The following LRRTM4 variants were observed in gnomAD, a reference collection of about 807,000 sequenced individuals.
The protein encoded by LRRTM4 is leucine-rich repeat transmembrane neuronal protein 4.
LRRTM4 carries 25 observed loss-of-function variants against 47.6 expected under a neutral mutation model. The observed-to-expected ratio is 0.53, with a 90% CI of 0.38 to 0.73. The LOEUF (loss-of-function observed/expected upper bound fraction) is 0.73. Among genes scored for constraint, LRRTM4 ranks in the 30% least tolerant of loss-of-function variants. LRRTM4 has a pLI of 0.00. For missense variants in LRRTM4, 638 were observed against 713.4 expected, an observed-to-expected ratio of 0.89 and a Z score of 1.20; for synonymous variants, 311 against 269.5, an observed-to-expected ratio of 1.15 and a Z score of -1.51.
chr2:77,519,807 G>A lies in LRRTM4; in HGVS notation c.62C>T (p.Thr21Ile). 1 of 1,612,872 alleles carries A rather than the reference G, an allele frequency of 6.2e-7. No individual in the cohort carries two copies. Among genetic ancestry groups the A allele is most frequent in the South Asian group, 1.1e-5 (1 of 91,048 alleles). The change falls in exon 3 of 4, where the codon ACA becomes ATA. Residue 21 changes from threonine (T) to isoleucine (I), a missense_variant. Transcript: ENST00000409884. The surrounding 1 kb of genome is among the most constrained non-coding windows in gnomAD (Gnocchi z 4.6). ...ACCCGTGAGCATAACAAGCAGCAGT[G>A]TAGGAAGTAGCACCAGCACCACACT... ...GMSVVLVLLP[T>I]LLLVMLTGAQ...
At chr2:77,243,696 T>C (rs1365043057) in intron 3 of LRRTM4, among the ~76,000 whole-genome samples, 1 of 152,030 alleles carries the variant, frequency 6.6e-6, no homozygotes, top group Non-Finnish European at 1.5e-5. Context: ...TCAATTTTCT[T>C]ATGCGTATTT....
At chr2:77,146,100 T>C (rs1367706218) in intron 3 of LRRTM4, among the ~76,000 whole-genome samples, 1 of 152,112 alleles carries the variant, frequency 6.6e-6, no homozygotes, top group Admixed American at 6.6e-5. Context: ...CTTCTTTCAG[T>C]GTATATTTAT....
intron 3 of LRRTM4, among the ~76,000 whole-genome samples, chr2:76,779,372 C>T (rs972010091): frequency 1.0e-3 from 152 of 150,672 alleles, no homozygotes; most frequent in African/African-American, 3.5e-3. Context: ...GTTAAAGTCT[C>T]CCATTATTAA....
intron 3 of LRRTM4, among the ~76,000 whole-genome samples, chr2:77,210,378 G>T (rs1417779936): frequency 6.6e-6 from 1 of 151,950 alleles, no homozygotes. Context: ...CACCTGAAAA[G>T]AATAAAATCC....
At chr2:76,947,072 T>C (rs1220327908) in intron 3 of LRRTM4, among the ~76,000 whole-genome samples, 3 of 151,862 alleles carry the variant, frequency 2.0e-5, no homozygotes, top group African/African-American at 7.2e-5. Flanking sequence ...GTTCTTGAAA[T>C]TTCAAGGAAG....
intron 3 of LRRTM4, among the ~76,000 whole-genome samples, chr2:76,867,206 C>T (rs1047679677): frequency 8.6e-5 from 13 of 151,752 alleles, no homozygotes; most frequent in Non-Finnish European, 1.2e-4. Context: ...GCACGTTCAG[C>T]GCATGTATCT....
At chr2:77,351,402 C>A (rs1046444514) in intron 3 of LRRTM4, among the ~76,000 whole-genome samples, 4 of 151,648 alleles carry the variant, frequency 2.6e-5, no homozygotes, top group African/African-American at 9.7e-5. Flanking sequence ...ATGTTTATTG[C>A]AGTATTTATT....
At chr2:76,913,557 T>TTTTTTTTTTTTTTTA (rs1490535283) in intron 3 of LRRTM4, among the ~76,000 whole-genome samples, 4 of 150,200 alleles carry the variant, frequency 2.7e-5, no homozygotes, top group East Asian at 2.0e-4. Context: ...TTTTTTTTTT[T>TTTTTTTTTTTTTTTA]GAGACAGAGT....
chr2:77,135,337 T>C (rs757443948), intron 3 of LRRTM4, among the ~76,000 whole-genome samples: 11 of 152,218 alleles, frequency 7.2e-5, no homozygotes, highest in African/African-American at 1.7e-4. Context: ...AAATGGCACA[T>C]TGGCACATGC....
At chr2:77,380,722 G>A (rs1673018205) in intron 3 of LRRTM4, among the ~76,000 whole-genome samples, 1 of 151,774 alleles carries the variant, frequency 6.6e-6, no homozygotes, top group Non-Finnish European at 1.5e-5. Flanking sequence ...CTTGAACCCG[G>A]GAGGCAGAGG....
At chr2:76,962,817 T>G (rs909408275) in intron 3 of LRRTM4, among the ~76,000 whole-genome samples, 8 of 150,858 alleles carry the variant, frequency 5.3e-5, no homozygotes, top group Non-Finnish European at 8.9e-5. Flanking sequence ...ATACAGATAA[T>G]TGCAATGCTA....
intron 3 of LRRTM4, among the ~76,000 whole-genome samples, chr2:76,833,489 G>T (rs1273912531): frequency 6.6e-6 from 1 of 152,026 alleles, no homozygotes; most frequent in Non-Finnish European, 1.5e-5. Context: ...ACGCATGATG[G>T]TTGGGTTTTA....
At chr2:77,066,869 G>A (rs530959871) in intron 3 of LRRTM4, among the ~76,000 whole-genome samples, 2 of 152,330 alleles carry the variant, frequency 1.3e-5, no homozygotes, top group East Asian at 3.9e-4. Flanking sequence ...GTAATGTTGT[G>A]CATGTATGTC....
At chr2:77,218,495 T>C (rs866992850) in intron 3 of LRRTM4, among the ~76,000 whole-genome samples, 52 of 148,072 alleles carry the variant, frequency 3.5e-4, no homozygotes, top group African/African-American at 1.2e-3. Flanking sequence ...TTCCACTCCA[T>C]GTTCTGCTTT....
chr2:77,106,171 T>C (rs1671087492), intron 3 of LRRTM4, among the ~76,000 whole-genome samples: 1 of 152,198 alleles, frequency 6.6e-6, no homozygotes, highest in South Asian at 2.1e-4. Context: ...TAAACAAATT[T>C]TGCAAGTTTT....
chr2:76,907,082 C>T (rs896109537), intron 3 of LRRTM4, among the ~76,000 whole-genome samples: 3 of 151,822 alleles, frequency 2.0e-5, no homozygotes, highest in African/African-American at 7.3e-5. Context: ...AAATTAACCA[C>T]ATAGTTGGAA....
intron 3 of LRRTM4, among the ~76,000 whole-genome samples, chr2:77,319,237 A>G (rs1334209112): frequency 6.6e-6 from 1 of 152,046 alleles, no homozygotes; most frequent in African/African-American, 2.4e-5. Context: ...AATACAAAAA[A>G]TCAGCTGGGT....
intron 3 of LRRTM4, among the ~76,000 whole-genome samples, chr2:77,008,859 G>A (rs1253307798): frequency 6.6e-6 from 1 of 150,946 alleles, no homozygotes; most frequent in Non-Finnish European, 1.5e-5. Flanking sequence ...CACTGTTTCT[G>A]ACTGGGTTAG....
At chr2:77,039,286 G>A (rs1216967449) in intron 3 of LRRTM4, among the ~76,000 whole-genome samples, 1 of 149,704 alleles carries the variant, frequency 6.7e-6, no homozygotes, top group African/African-American at 2.4e-5. Context: ...ATGGTGAAAT[G>A]AGTCCAAAAC....
Sources: gnomAD v4.1 joint callset for allele counts (sites outside exome capture counted in the v4.1 genomes callset) on GRCh38, gnomAD v4.1.1 for gene constraint, Gnocchi (gnomAD v3.1) non-coding constraint, MANE v1.5 for transcripts, NCBI Gene and HGNC (gene_info 2026-07-23, HGNC 2026-07-21) for gene names.